RFX3: variants seen among roughly 807,000 people sequenced by gnomAD.
The protein encoded by RFX3 is transcription factor RFX3.
In RFX3, 14 loss-of-function variants were observed where a neutral mutation model predicts 98.6. The observed-to-expected ratio is 0.14, with a 90% CI of 0.09 to 0.22. The LOEUF (loss-of-function observed/expected upper bound fraction) is 0.22, where lower values mean the gene tolerates loss of function less well. Among genes scored for constraint, RFX3 ranks in the 10% least tolerant of loss-of-function variants. RFX3 has a pLI of 1.00. For missense variants in RFX3, 639 were observed against 926.9 expected (o/e 0.69, Z 4.03); for synonymous variants, 383 against 328.4 (o/e 1.17, Z -1.80).
chr9:3,287,290 G>A (rs1303715181), intron 7 of RFX3, among the ~76,000 whole-genome samples: 1 of 151,868 alleles, frequency 6.6e-6, no homozygotes, highest in African/African-American at 2.4e-5. Flanking sequence ...CCTATGCAGA[G>A]GCCTCCTTTC....
intron 2 of RFX3, among the ~76,000 whole-genome samples, chr9:3,389,842 G>T (rs965198138): frequency 6.6e-6 from 1 of 151,994 alleles, no homozygotes; most frequent in Non-Finnish European, 1.5e-5. Flanking sequence ...CAAAGCAAAA[G>T]TACTTCTGTT....
At chr9:3,312,119 C>T (rs938481055) in intron 4 of RFX3, among the ~76,000 whole-genome samples, 1 of 152,170 alleles carries the variant, frequency 6.6e-6, no homozygotes, top group Non-Finnish European at 1.5e-5. Context: ...CCAGAGTTAA[C>T]TGCACACAGT....
intron 1 of RFX3, among the ~76,000 whole-genome samples, chr9:3,514,405 C>A (rs1245248066): frequency 6.6e-6 from 1 of 152,180 alleles, no homozygotes; most frequent in African/African-American, 2.4e-5. Context: ...ATATCTACTA[C>A]ACTCTAATTG....
At chr9:3,415,084 T>TTA (rs572480936) in intron 1 of RFX3, among the ~76,000 whole-genome samples, 4,625 of 91,332 alleles carry the variant, frequency 0.051, 309 homozygotes, top group African/African-American at 0.34. Flanking sequence ...ATATATATTC[T>TTA]TATATATATA....
intron 15 of RFX3, 57 bp from the exon 16 acceptor site, chr9:3,228,946 T>A: frequency 1.4e-5 from 20 of 1,453,464 alleles, no homozygotes; most frequent in Non-Finnish European, 1.8e-5. Context: ...AAAATAATAC[T>A]CTATCAGTCT....
intron 5 of RFX3, among the ~76,000 whole-genome samples, chr9:3,300,665 G>T (rs1015935870): frequency 1.3e-5 from 2 of 151,610 alleles, no homozygotes; most frequent in Non-Finnish European, 3.0e-5. Context: ...GTCAGTTGTG[G>T]GAGAAAATTC....
chr9:3,238,805 T>G (rs551137517), intron 15 of RFX3, among the ~76,000 whole-genome samples: 44 of 152,234 alleles, frequency 2.9e-4, no homozygotes, highest in Non-Finnish European at 5.1e-4. Context: ...CTGACCGACA[T>G]GGAGAAACCC....
intron 2 of RFX3, among the ~76,000 whole-genome samples, chr9:3,353,431 G>C (rs1270700544): frequency 1.3e-5 from 2 of 151,948 alleles, no homozygotes; most frequent in South Asian, 2.1e-4. Context: ...GAAGGCATTA[G>C]AGAAAACGAC....
chr9:3,464,870 T>C (rs1848057196), intron 1 of RFX3, among the ~76,000 whole-genome samples: 1 of 152,118 alleles, frequency 6.6e-6, no homozygotes, highest in Non-Finnish European at 1.5e-5. Flanking sequence ...CAAGAAACAG[T>C]TCCAATTTGT....
chr9:3,481,778 A>G (rs1334065113), intron 1 of RFX3, among the ~76,000 whole-genome samples: 1 of 152,154 alleles, frequency 6.6e-6, no homozygotes, highest in Admixed American at 6.5e-5. Flanking sequence ...AAATATGAAC[A>G]GCTAATGAAT....
At position 3,256,972 on chromosome 9, in the gene RFX3, G is replaced by A; in HGVS notation, c.1814+19C>T. The A allele has an allele frequency of 6.2e-7, 1 of 1,609,960 alleles. No homozygotes were observed. Among genetic ancestry groups the A allele is most frequent in the Middle Eastern group, 1.7e-4 (1 of 6,056 alleles). On this transcript the variant is annotated intron_variant, in intron 14 of 16. Transcript: ENST00000617270. ...TGCAGAATATGAAGAAGAAAGCCTA[G>A]GAAAAACCTAGATGATACCTGTAGA...
chr9:3,468,146 A>T (rs893765382), intron 1 of RFX3, among the ~76,000 whole-genome samples: 27 of 152,224 alleles, frequency 1.8e-4, no homozygotes, highest in African/African-American at 6.3e-4. Context: ...TAGGGCCTTC[A>T]AAATCTTTAT....
At chr9:3,286,330 ATAATT>A (rs1826594743) in intron 7 of RFX3, among the ~76,000 whole-genome samples, 1 of 151,890 alleles carries the variant, frequency 6.6e-6, no homozygotes, top group Non-Finnish European at 1.5e-5. Flanking sequence ...GTACTATTCT[ATAATT>A]TATTTTATTA....
chr9:3,507,396 G>A (rs1817206319), intron 1 of RFX3, among the ~76,000 whole-genome samples: 1 of 151,862 alleles, frequency 6.6e-6, no homozygotes, highest in Non-Finnish European at 1.5e-5. Flanking sequence ...TCACATGTCA[G>A]GCACAGTGCT....
Position 3,423,789 on chromosome 9 carries a change from ATATATATAT to A in RFX3, c.-8-28202_-8-28194del, listed in dbSNP as rs1159759114. On this transcript the variant is annotated intron_variant, in intron 1 of 16. Transcript: ENST00000617270. ...GTATTATATATTTTCATATATATAT[ATATATATAT>A]ATATATATATATATCTTAAGGTAAT... Among the ~76,000 whole-genome samples, 5 of 123,490 alleles carry A rather than the reference ATATATATAT, an allele frequency of 4.0e-5. No individual in the cohort carries two copies. In the South Asian group the frequency reaches 1.1e-3, roughly 28 times the overall value. The allele number at this position is 123,490 out of a possible 152,430, so 81.0% of individuals were successfully genotyped here.
intron 2 of RFX3, among the ~76,000 whole-genome samples, chr9:3,376,342 C>T (rs531899053): frequency 6.6e-6 from 1 of 152,218 alleles, no homozygotes; most frequent in South Asian, 2.1e-4. Flanking sequence ...TAGGTATTTA[C>T]CCATGAGAAA....
chr9:3,448,323 A>G (rs888539731), intron 1 of RFX3, among the ~76,000 whole-genome samples: 4 of 152,152 alleles, frequency 2.6e-5, no homozygotes, highest in Admixed American at 6.5e-5. Flanking sequence ...CATTCTGTGC[A>G]GTTGGTAGGG....
intron 1 of RFX3, among the ~76,000 whole-genome samples, chr9:3,463,390 G>C (rs1316087523): frequency 6.6e-6 from 1 of 152,020 alleles, no homozygotes; most frequent in Non-Finnish European, 1.5e-5. Flanking sequence ...GCCTAAAAAT[G>C]AGATTATAAG....
At chr9:3,465,329 T>G (rs375553600) in intron 1 of RFX3, among the ~76,000 whole-genome samples, 129 of 152,168 alleles carry the variant, frequency 8.5e-4, no homozygotes, top group African/African-American at 2.8e-3. Flanking sequence ...CTCACTCTGT[T>G]TCCCAGGCTG....
Sources: allele counts gnomAD v4.1 joint callset (sites outside exome capture counted in the v4.1 genomes callset), GRCh38; gene constraint gnomAD v4.1.1; transcripts MANE v1.5; gene names NCBI Gene and HGNC (gene_info 2026-07-23, HGNC 2026-07-21).